Variants in ANKRD13C observed in about 807,000 individuals in gnomAD.
ANKRD13C encodes ankyrin repeat domain-containing protein 13C.
In ANKRD13C, 16 loss-of-function variants were observed where a neutral mutation model predicts 65.5. The observed-to-expected ratio is 0.24, with a 90% CI of 0.17 to 0.37. The LOEUF (loss-of-function observed/expected upper bound fraction) is 0.37, where lower values mean the gene tolerates loss of function less well. Ranked by LOEUF, ANKRD13C falls within the 10% of genes least tolerant of loss-of-function variation. The probability of loss-of-function intolerance (pLI) is 1.00; values close to 1 mark genes in which losing one functional copy is unlikely to be tolerated. For missense variants in ANKRD13C, 503 were observed against 655.9 expected (o/e 0.77, Z 2.55); for synonymous variants, 235 against 238.7 (o/e 0.98, Z 0.14).
chr1:70,321,978 C>T (rs1487114490), intron 3 of ANKRD13C, among the ~76,000 whole-genome samples: 3 of 152,022 alleles, frequency 2.0e-5, no homozygotes. Context: ...TAACACAAGC[C>T]AAAAAATCAA....
In ANKRD13C at chr1:70,354,597, G is replaced by A; in HGVS notation, c.-189C>T. On this transcript the variant is annotated 5_prime_UTR_variant, in exon 1 of 13. Coordinates refer to ENST00000370944, the MANE Select transcript of ANKRD13C (RefSeq NM_030816.5). ...AGCCGGCTCTCGCCTAGGCACGAAG[G>A]GACGCGCGCTCGCTGGGGGAAGCTA... The A allele has an allele frequency of 7.4e-7, 1 of 1,348,336 alleles. No individual in the cohort carries two copies. Among genetic ancestry groups the A allele is most frequent in the African/African-American group, 1.5e-5 (1 of 67,976 alleles). The allele number at this position is 1,348,336 out of a possible 1,614,324, so 83.5% of individuals were successfully genotyped here.
chr1:70,318,679 GTTTTTT>G (rs11337993), intron 3 of ANKRD13C, among the ~76,000 whole-genome samples: 2 of 94,210 alleles, frequency 2.1e-5, no homozygotes, highest in Admixed American at 1.4e-4. Flanking sequence ...ATCAATCTTT[GTTTTTT>G]TTTTTTTTTT....
At chr1:70,343,728 T>C (rs1274347547) in intron 1 of ANKRD13C, among the ~76,000 whole-genome samples, 1 of 152,154 alleles carries the variant, frequency 6.6e-6, no homozygotes, top group African/African-American at 2.4e-5. Flanking sequence ...GGATGGAGTT[T>C]AGCAAAACTA....
rs115587290 is a variant in ANKRD13C, at chr1:70,297,006, G to A, written c.922-745C>T. Among the ~76,000 whole-genome samples, 450 of 152,036 alleles carry A rather than the reference G, an allele frequency of 3.0e-3. 2 individuals are homozygous for A. The highest frequency in any genetic ancestry group is 0.01 in the African/African-American group (429 of 41,440). ...AAGGAAAGTTTTGTGCTTGCTTCAG[G>A]GACAGAAGACTAAATGATCAAGTAC... is the stretch of plus-strand genomic sequence containing the variant. On this transcript the variant is annotated intron_variant, in intron 7 of 12. Transcript: ENST00000370944.
chr1:70,263,477 G>C (rs1167906851), intron 12 of ANKRD13C, among the ~76,000 whole-genome samples: 1 of 152,110 alleles, frequency 6.6e-6, no homozygotes, highest in Non-Finnish European at 1.5e-5. Context: ...GAATCAGAAA[G>C]AGTAAAATAA....
At chr1:70,306,781 T>G (rs1680604548) in intron 5 of ANKRD13C, among the ~76,000 whole-genome samples, 1 of 152,236 alleles carries the variant, frequency 6.6e-6, no homozygotes, top group South Asian at 2.1e-4. Flanking sequence ...TTAGACTCAA[T>G]GTACCTGAGT....
chr1:70,272,591 T>A (rs1293745022), intron 11 of ANKRD13C, among the ~76,000 whole-genome samples: 2 of 152,154 alleles, frequency 1.3e-5, no homozygotes, highest in African/African-American at 4.8e-5. Context: ...GATATTCTTT[T>A]TTTTTTTCAT....
chr1:70,264,748 G>A (rs1417323312), intron 12 of ANKRD13C, among the ~76,000 whole-genome samples: 1 of 152,110 alleles, frequency 6.6e-6, no homozygotes, highest in African/African-American at 2.4e-5. Context: ...GATTACACTG[G>A]TTGGGAGGGT....
chr1:70,282,644 G>C (rs1033703476), intron 9 of ANKRD13C, among the ~76,000 whole-genome samples: 2 of 152,160 alleles, frequency 1.3e-5, no homozygotes, highest in African/African-American at 4.8e-5. Flanking sequence ...GTAGAATGAC[G>C]AAGAGGCTTA....
chr1:70,297,286 G>GGTTTTTTTTTTTTTTTTTTTTTTTTTTT (rs1558281019), intron 7 of ANKRD13C, among the ~76,000 whole-genome samples: 2 of 125,098 alleles, frequency 1.6e-5, no homozygotes, highest in Admixed American at 8.7e-5. Flanking sequence ...GTCCCTTTCT[G>GGTTTTTTTTTTTTTTTTTTTTTTTTTTT]ATTTTTTTTT....
chr1:70,270,827 C>A, intron 12 of ANKRD13C, 29 bp downstream of exon 12: 1 of 1,467,784 alleles, frequency 6.8e-7, no homozygotes, highest in Non-Finnish European at 9.5e-7. Flanking sequence ...CTAATGGACA[C>A]TAAAATTATA....
At chr1:70,288,243 A>G (rs1370536451) in intron 9 of ANKRD13C, among the ~76,000 whole-genome samples, 3 of 152,222 alleles carry the variant, frequency 2.0e-5, no homozygotes, top group African/African-American at 7.2e-5. Context: ...AATAATGACA[A>G]TACCAAAAGC....
chr1:70,311,885 A>G (rs967320651), intron 5 of ANKRD13C, among the ~76,000 whole-genome samples: 2 of 152,248 alleles, frequency 1.3e-5, no homozygotes, highest in African/African-American at 4.8e-5. Context: ...TAATGTACAT[A>G]AGCTGGAGAG....
At chr1:70,280,913 AAAATAGACT>A (rs1419379660) in intron 9 of ANKRD13C, among the ~76,000 whole-genome samples, 1 of 152,156 alleles carries the variant, frequency 6.6e-6, no homozygotes, top group Non-Finnish European at 1.5e-5. Flanking sequence ...GGAAGGACAG[AAAATAGACT>A]AAATAGACTC....
At chr1:70,310,092 A>G (rs1202943429) in intron 5 of ANKRD13C, among the ~76,000 whole-genome samples, 1 of 152,182 alleles carries the variant, frequency 6.6e-6, no homozygotes, top group Admixed American at 6.5e-5. Flanking sequence ...AAGCTTTTCT[A>G]TACCTAAAAA....
intron 1 of ANKRD13C, among the ~76,000 whole-genome samples, chr1:70,341,551 G>C (rs1470568988): frequency 1.3e-5 from 2 of 151,648 alleles, no homozygotes; most frequent in South Asian, 2.1e-4. Flanking sequence ...GTAGAGACAG[G>C]GTTTCACCAT....
chr1:70,262,463 G>A lies in ANKRD13C; in HGVS notation c.*254C>T. On this transcript the variant is annotated 3_prime_UTR_variant, in exon 13 of 13. Transcript: ENST00000370944. ...ACTCATAGCTGCTTCACATACGCAG[G>A]TCTTAGGGTCATTAATGTGTCAAAC... 4.1e-6 allele frequency: 1 copy of A among 242,644 alleles called. No homozygotes were observed. 15.0% of individuals were successfully genotyped at this position (242,644 alleles called of 1,614,324 possible).
chr1:70,327,871 C>T (rs1014614525), intron 2 of ANKRD13C, among the ~76,000 whole-genome samples: 4 of 151,978 alleles, frequency 2.6e-5, no homozygotes, highest in East Asian at 1.9e-4. Flanking sequence ...TTGAGACCAA[C>T]GTGGCCAACA....
intron 1 of ANKRD13C, among the ~76,000 whole-genome samples, chr1:70,342,775 AT>A (rs1254785939): frequency 6.7e-6 from 1 of 148,612 alleles, no homozygotes. Flanking sequence ...CACACACAAA[AT>A]AACACTTGCT....
Sources: allele counts gnomAD v4.1 joint callset (sites outside exome capture counted in the v4.1 genomes callset), GRCh38; gene constraint gnomAD v4.1.1; transcripts MANE v1.5; gene names NCBI Gene and HGNC (gene_info 2026-07-23, HGNC 2026-07-21).